EPN2: variants seen among roughly 807,000 people sequenced by gnomAD.
The protein encoded by EPN2 is epsin 2.
Under a neutral mutation model 61.7 loss-of-function variants are expected in EPN2, and 34 were observed. That is an observed-to-expected ratio of 0.55 (90% CI 0.42 to 0.73). EPN2 has a LOEUF of 0.73. EPN2 is among the 30% of genes least tolerant of loss of function. The pLI, the probability that EPN2 is intolerant of heterozygous loss-of-function variation, is 0.00. For synonymous variants in EPN2, 349 were observed against 353.6 expected, an observed-to-expected ratio of 0.99 and a Z score of 0.15; for missense variants, 714 against 839.2, an observed-to-expected ratio of 0.85 and a Z score of 1.84.
At chr17:19,251,187 G>T (rs939887988) in intron 1 of EPN2, among the ~76,000 whole-genome samples, 2 of 152,186 alleles carry the variant, frequency 1.3e-5, no homozygotes, top group Admixed American at 6.5e-5. Context: ...ACATCTGTGT[G>T]CCTTGCACTC....
intron 1 of EPN2, among the ~76,000 whole-genome samples, chr17:19,252,955 C>T (rs528820161): frequency 6.6e-6 from 1 of 152,328 alleles, no homozygotes; most frequent in East Asian, 1.9e-4. Context: ...CCTGTGTTGG[C>T]CTCCCAAAGT....
At chr17:19,246,888 C>T (rs544532824) in intron 1 of EPN2, among the ~76,000 whole-genome samples, 2 of 151,856 alleles carry the variant, frequency 1.3e-5, no homozygotes, top group South Asian at 4.2e-4. Context: ...CTGTCTCAGC[C>T]TCCCAAGTAG....
intron 1 of EPN2, among the ~76,000 whole-genome samples, chr17:19,268,175 G>A (rs1772783308): frequency 6.6e-6 from 1 of 152,176 alleles, no homozygotes; most frequent in Non-Finnish European, 1.5e-5. Flanking sequence ...ATGGCCCCAA[G>A]TCTTGTCCTT....
At chr17:19,263,438 TTGG>T (rs748314430) in intron 1 of EPN2, among the ~76,000 whole-genome samples, 1 of 152,106 alleles carries the variant, frequency 6.6e-6, no homozygotes, top group Non-Finnish European at 1.5e-5. Context: ...TGAAAGCTGG[TTGG>T]TGGAAAAACC....
intron 1 of EPN2, among the ~76,000 whole-genome samples, chr17:19,266,713 A>G (rs575251351): frequency 1.3e-5 from 2 of 151,874 alleles, no homozygotes; most frequent in South Asian, 4.2e-4. Context: ...TCTCAGCATT[A>G]TGAATATGAA....
intron 7 of EPN2, among the ~76,000 whole-genome samples, chr17:19,320,737 C>G (rs1470852818): frequency 1.3e-5 from 2 of 152,222 alleles, no homozygotes; most frequent in Non-Finnish European, 2.9e-5. Flanking sequence ...CTTAGATAAT[C>G]AGGATGGAGA....
intron 6 of EPN2, among the ~76,000 whole-genome samples, chr17:19,312,384 TG>T (rs1325309585): frequency 6.6e-6 from 1 of 152,214 alleles, no homozygotes; most frequent in Non-Finnish European, 1.5e-5. Flanking sequence ...ATGGAGGTGA[TG>T]ATAGTGCCTG....
chr17:19,285,979 G>A lies in EPN2; in HGVS notation c.766+189G>A, dbSNP rs146234883. 2.3e-3 allele frequency among the ~76,000 whole-genome samples: 352 copies of A among 152,304 alleles called. No homozygotes were observed. Among genetic ancestry groups the A allele is most frequent in the Non-Finnish European group, 3.5e-3 (239 of 68,020 alleles). On this transcript the variant is annotated intron_variant, in intron 4 of 10. Coordinates refer to ENST00000314728, the MANE Select transcript of EPN2 (RefSeq NM_014964.5). This position sits in a 1 kb window ranked among gnomAD's most constrained non-coding sequence, Gnocchi z 4.5. ...GTGGCCTGGTCGTGCTCCGCTTCCA[G>A]GATCACATGTCACTTGCTAGAAGTT... is the stretch of plus-strand genomic sequence containing the variant.
intron 1 of EPN2, among the ~76,000 whole-genome samples, chr17:19,247,176 T>G (rs1395083872): frequency 2.0e-5 from 3 of 152,216 alleles, no homozygotes; most frequent in Non-Finnish European, 4.4e-5. Flanking sequence ...TGTATGTCAC[T>G]TTATGAGAAG....
chr17:19,324,345 T>C (rs890964805), intron 7 of EPN2, among the ~76,000 whole-genome samples: 5 of 152,208 alleles, frequency 3.3e-5, no homozygotes, highest in African/African-American at 9.7e-5. Context: ...AAATTAAATA[T>C]ATATTTAGAC....
chr17:19,255,436 C>CTTTA (rs58603139), intron 1 of EPN2, among the ~76,000 whole-genome samples: 56,166 of 138,016 alleles, frequency 0.41, 12,918 homozygotes, highest in Non-Finnish European at 0.52. Context: ...TCTTCATTTA[C>CTTTA]TTTATTTATT....
chr17:19,251,708 A>G (rs2045017589), intron 1 of EPN2, among the ~76,000 whole-genome samples: 1 of 152,184 alleles, frequency 6.6e-6, no homozygotes, highest in Non-Finnish European at 1.5e-5. Flanking sequence ...TGTTGGGATT[A>G]CAGGCGTGAG....
At chr17:19,275,434 C>CT in intron 1 of EPN2, among the ~76,000 whole-genome samples, 1 of 152,212 alleles carries the variant, frequency 6.6e-6, no homozygotes, top group East Asian at 1.9e-4. Flanking sequence ...GTGCCTTCTC[C>CT]TTTCCTTGGC....
At chr17:19,333,934 GC>G in intron 10 of EPN2, 21 bp from the exon 11 acceptor site, 1 of 1,514,168 alleles carries the variant, frequency 6.6e-7, no homozygotes. Flanking sequence ...CTCAGCCTCT[GC>G]CCCTCCTTCT....
chr17:19,325,882 T>A (rs1906844602), intron 7 of EPN2, among the ~76,000 whole-genome samples: 1 of 152,168 alleles, frequency 6.6e-6, no homozygotes, highest in African/African-American at 2.4e-5. Context: ...ATTATTAGAA[T>A]CAATAATTGG....
chr17:19,270,688 G>A (rs1173624136), intron 1 of EPN2, among the ~76,000 whole-genome samples: 2 of 152,126 alleles, frequency 1.3e-5, no homozygotes, highest in Admixed American at 6.5e-5. Flanking sequence ...AGCTTGCCTC[G>A]GACCATGCAG....
At chr17:19,311,085 G>A (rs1321853516) in intron 5 of EPN2, among the ~76,000 whole-genome samples, 2 of 152,086 alleles carry the variant, frequency 1.3e-5, no homozygotes, top group Non-Finnish European at 2.9e-5. Context: ...GGAATACTGG[G>A]GATAGTTAGA....
chr17:19,285,719 A>T lies in EPN2; in HGVS notation c.695A>T (p.His232Leu). 1 of 1,606,064 alleles carries T rather than the reference A, an allele frequency of 6.2e-7. No homozygotes were observed. The highest frequency in any genetic ancestry group is 1.1e-5 in the South Asian group (1 of 89,546). The change falls in exon 4 of 11, where the codon CAC (histidine) becomes CTC (leucine). Residue 232 changes from histidine (H) to leucine (L), a missense_variant. His to Leu is a moderately conservative substitution (Grantham distance 99). Transcript: ENST00000314728. The surrounding 1 kb of genome is among the most constrained non-coding windows in gnomAD (Gnocchi z 4.5). ...PLSQRHPFLPHLGLASRPNGD... is the reference protein window; with the variant it reads ...PLSQRHPFLPLLGLASRPNGD... ...AGCCAGCGCCACCCCTTCCTGCCGC[A>T]CCTGGGGCTGGCCTCCCGCCCAAAT...
At chr17:19,280,247 C>T (rs991848964) in intron 1 of EPN2, among the ~76,000 whole-genome samples, 1 of 152,138 alleles carries the variant, frequency 6.6e-6, no homozygotes, top group African/African-American at 2.4e-5. Flanking sequence ...CCTGGTGGTC[C>T]CTGGCACATT....
Sources: allele counts gnomAD v4.1 joint callset (sites outside exome capture counted in the v4.1 genomes callset), GRCh38; gene constraint gnomAD v4.1.1; non-coding constraint Gnocchi (gnomAD v3.1); transcripts MANE v1.5; gene names NCBI Gene and HGNC (gene_info 2026-07-23, HGNC 2026-07-21).